SNAPC3: variants seen among roughly 807,000 people sequenced by gnomAD.
SNAPC3 encodes snRNA-activating protein complex subunit 3.
SNAPC3 carries 56 observed loss-of-function variants against 47.7 expected under a neutral mutation model. That is an observed-to-expected ratio of 1.18 (90% CI 0.95 to 1.47). SNAPC3 has a LOEUF of 1.47. Ranked by LOEUF, SNAPC3 falls within the 40% of genes most tolerant of loss-of-function variation. The pLI is 0.00. For synonymous variants in SNAPC3, 235 were observed against 189.9 expected (o/e 1.24, Z -1.95); for missense variants, 665 against 511.3 (o/e 1.30, Z -2.90).
chr9:15,455,851 AC>A (rs1391459830), intron 7 of SNAPC3, among the ~76,000 whole-genome samples: 2 of 151,784 alleles, frequency 1.3e-5, no homozygotes, highest in African/African-American at 4.8e-5. Flanking sequence ...GGCACGTGCC[AC>A]CTTGTCCGGC....
At chr9:15,431,050 C>T (rs993710285) in intron 2 of SNAPC3, among the ~76,000 whole-genome samples, 1 of 152,200 alleles carries the variant, frequency 6.6e-6, no homozygotes, top group African/African-American at 2.4e-5. Context: ...TCAGGAGTCT[C>T]AAAGGTTTTG....
chr9:15,424,778 C>G (rs2031126384), intron 2 of SNAPC3, among the ~76,000 whole-genome samples: 1 of 152,182 alleles, frequency 6.6e-6, no homozygotes, highest in Non-Finnish European at 1.5e-5. Flanking sequence ...TTATTTCATA[C>G]TACCTCAGCT....
At chr9:15,436,301 G>A (rs994570795) in intron 3 of SNAPC3, among the ~76,000 whole-genome samples, 10 of 152,178 alleles carry the variant, frequency 6.6e-5, no homozygotes, top group Admixed American at 4.6e-4. Flanking sequence ...TTTCTTCTAG[G>A]AGTTTTATAG....
chr9:15,465,110 C>A (rs144536781), downstream of SNAPC3: 198 of 231,328 alleles, frequency 8.6e-4, 2 homozygotes, highest in African/African-American at 4.0e-3. Flanking sequence ...AAAAGACAGT[C>A]TGGTAAATCC....
chr9:15,446,721 T>G (rs1305956871), intron 4 of SNAPC3, among the ~76,000 whole-genome samples: 1 of 152,098 alleles, frequency 6.6e-6, no homozygotes, highest in Non-Finnish European at 1.5e-5. Flanking sequence ...AAAGACAAGG[T>G]AGGGAAGAGT....
chr9:15,433,451 A>G, intron 2 of SNAPC3, 101 bp from the exon 3 acceptor site: 1 of 771,618 alleles, frequency 1.3e-6, no homozygotes, highest in Non-Finnish European at 2.2e-6. Context: ...GCTACTTAAA[A>G]TTAGTTCAAA....
chr9:15,447,687 T>C (rs533685928), intron 5 of SNAPC3, among the ~76,000 whole-genome samples: 5 of 152,298 alleles, frequency 3.3e-5, no homozygotes, highest in African/African-American at 1.2e-4. Flanking sequence ...TTGCTGTTCA[T>C]TCACTCGTTT....
intron 8 of SNAPC3, among the ~76,000 whole-genome samples, chr9:15,458,287 T>TTTCA (rs2131976510): frequency 6.6e-6 from 1 of 152,294 alleles, no homozygotes; most frequent in Admixed American, 6.5e-5. Flanking sequence ...ATAGGTCAAA[T>TTTCA]TTCAGGCTTG....
downstream of SNAPC3, chr9:15,465,464 C>G: frequency 1.4e-6 from 2 of 1,420,318 alleles, no homozygotes; most frequent in East Asian, 2.3e-5. Flanking sequence ...CAGTCTATTT[C>G]AAATGAAAAC....
intron 3 of SNAPC3, among the ~76,000 whole-genome samples, chr9:15,434,097 G>A (rs1248752745): frequency 6.6e-6 from 1 of 152,058 alleles, no homozygotes; most frequent in East Asian, 1.9e-4. Context: ...TCATGCATAC[G>A]GGCACCTATT....
chr9:15,455,569 G>GA (rs576802191), intron 7 of SNAPC3, among the ~76,000 whole-genome samples: 5 of 148,968 alleles, frequency 3.4e-5, no homozygotes, highest in South Asian at 2.1e-4. Context: ...TGTATCAAAA[G>GA]AAAAAAAAAA....
intron 5 of SNAPC3, among the ~76,000 whole-genome samples, 169 bp downstream of exon 5, chr9:15,447,413 G>A (rs2034027775): frequency 6.6e-6 from 1 of 152,134 alleles, no homozygotes; most frequent in Non-Finnish European, 1.5e-5. Flanking sequence ...TTCCAAAGAA[G>A]AGGCTAGACT....
intron 2 of SNAPC3, among the ~76,000 whole-genome samples, chr9:15,427,997 G>A (rs1335416873): frequency 6.6e-6 from 1 of 151,624 alleles, no homozygotes; most frequent in African/African-American, 2.4e-5. Context: ...TGTAGTCCCA[G>A]CTACTCGGGA....
rs750854193 is a variant in SNAPC3 at position 15,451,338 on chromosome 9, T to G, written c.751T>G (p.Phe251Val). ...CTTGTAGGACCTATACAAATCAGCC[T>G]TCTTTTATTTTGAAGGAACATTTTA... ...HISKDLYKSAFFYFEGTFYND... is the reference protein window; with the variant it reads ...HISKDLYKSAVFYFEGTFYND... The change falls in exon 6 of 9, where the codon TTC becomes GTC. Residue 251 changes from phenylalanine to valine, a missense_variant. Transcript: ENST00000380821. 3.3e-6 allele frequency: 5 copies of G among 1,503,556 alleles called. No homozygotes were observed. The highest frequency in any genetic ancestry group is 3.7e-6 in the Non-Finnish European group (4 of 1,091,054). 93.1% of individuals were successfully genotyped at this position (1,503,556 alleles called of 1,614,324 possible). A position where few individuals can be genotyped will look rare whatever the true frequency, so the allele number is the denominator to read the frequency against.
intron 3 of SNAPC3, among the ~76,000 whole-genome samples, chr9:15,438,538 T>C (rs915231605): frequency 6.6e-6 from 1 of 152,150 alleles, no homozygotes; most frequent in Non-Finnish European, 1.5e-5. Flanking sequence ...ATTCCTTATC[T>C]AGTTATTGAG....
At chr9:15,441,645 GC>G (rs1185451565) in intron 3 of SNAPC3, among the ~76,000 whole-genome samples, 1 of 151,918 alleles carries the variant, frequency 6.6e-6, no homozygotes, top group Non-Finnish European at 1.5e-5. Context: ...AGCACATCTT[GC>G]ACCGCCCTTA....
rs146005437 is a variant in SNAPC3, at chr9:15,423,968, C to G, written c.374C>G (p.Thr125Ser). The stretch of plus-strand genomic sequence containing the variant: ...GATCCAGAAGTCATTCCGGAGAATA[C>G]TGACCTGGTGACTTTGGGGTATGGA... Reference protein sequence around the residue: ...GEDPEVIPENTDLVTLGVRKR... With the variant: ...GEDPEVIPENSDLVTLGVRKR... Residue 125 changes from threonine (T) to serine (S), a missense_variant, in exon 2 of 9, where the codon ACT becomes AGT. Thr to Ser is a moderately conservative substitution (Grantham distance 58). Transcript: ENST00000380821. 1 of 1,581,080 alleles carries G rather than the reference C, an allele frequency of 6.3e-7. No homozygotes were observed. Among genetic ancestry groups the G allele is most frequent in the Admixed American group, 1.8e-5 (1 of 54,186 alleles).
At chr9:15,451,471 A>T in intron 6 of SNAPC3, 69 bp downstream of exon 6, 3 of 650,360 alleles carry the variant, frequency 4.6e-6, no homozygotes, top group Non-Finnish European at 7.8e-6. Context: ...TATCTCCACA[A>T]ATCCTATTAT....
At chr9:15,433,522 A>ATT (rs561423228) in intron 2 of SNAPC3, 30 bp from the exon 3 acceptor site, 160 of 1,152,908 alleles carry the variant, frequency 1.4e-4, no homozygotes, top group African/African-American at 1.2e-3. Context: ...TTGAACTTTG[A>ATT]TTTTTTTTTT....
Sources: allele counts gnomAD v4.1 joint callset (sites outside exome capture counted in the v4.1 genomes callset), GRCh38; gene constraint gnomAD v4.1.1; transcripts MANE v1.5; gene names NCBI Gene and HGNC (gene_info 2026-07-23, HGNC 2026-07-21).